Variants in HEPACAM2 observed in about 807,000 individuals in gnomAD.
HEPACAM2 encodes HEPACAM family member 2.
A neutral mutation model predicts 49.6 loss-of-function variants in HEPACAM2; 49 were observed. That is an observed-to-expected ratio of 0.99 (90% CI 0.78 to 1.25). HEPACAM2 has a LOEUF of 1.25. HEPACAM2 is among the 50% of genes most tolerant of loss of function. HEPACAM2 has a pLI of 0.00. For synonymous variants in HEPACAM2, 197 were observed against 202.9 expected, an observed-to-expected ratio of 0.97 and a Z score of 0.25; for missense variants, 525 against 557.2, an observed-to-expected ratio of 0.94 and a Z score of 0.58.
At chr7:93,208,466 A>G in intron 4 of HEPACAM2, 114 bp downstream of exon 4, 2 of 901,120 alleles carry the variant, frequency 2.2e-6, no homozygotes, top group Non-Finnish European at 3.3e-6. Context: ...TTTTTAGAAT[A>G]TATGAATAAT....
intron 9 of HEPACAM2, among the ~76,000 whole-genome samples, chr7:93,192,003 C>CA (rs1207442795): frequency 1.3e-5 from 2 of 152,018 alleles, no homozygotes. Context: ...CTAATGTACA[C>CA]AAGAGAAAGT....
At chr7:93,208,555 T>A in intron 4 of HEPACAM2, 25 bp downstream of exon 4, 2 of 1,596,852 alleles carry the variant, frequency 1.3e-6, no homozygotes. Flanking sequence ...TTTATTAGGA[T>A]CCCTTCCTTG....
chr7:93,213,119 C>T (rs1794218015), intron 3 of HEPACAM2, among the ~76,000 whole-genome samples: 1 of 151,920 alleles, frequency 6.6e-6, no homozygotes, highest in South Asian at 2.1e-4. Flanking sequence ...TAAGTATTTA[C>T]TGTGAATGAC....
At chr7:93,189,599 G>A (rs1245599176) in intron 9 of HEPACAM2, among the ~76,000 whole-genome samples, 1 of 151,862 alleles carries the variant, frequency 6.6e-6, no homozygotes, top group East Asian at 1.9e-4. Flanking sequence ...CCAGCCATAA[G>A]TTCACTAAAT....
chr7:93,223,845 A>G (rs1794494323), intron 1 of HEPACAM2, among the ~76,000 whole-genome samples: 2 of 152,192 alleles, frequency 1.3e-5, no homozygotes, highest in African/African-American at 4.8e-5. Flanking sequence ...TGAACCTATC[A>G]ATATGATACA....
chr7:93,199,459 A>G (rs1484130266), intron 4 of HEPACAM2, among the ~76,000 whole-genome samples: 1 of 152,118 alleles, frequency 6.6e-6, no homozygotes, highest in Non-Finnish European at 1.5e-5. Flanking sequence ...GTGAGATCTT[A>G]GCCTTTTCTC....
chr7:93,221,234 G>C (rs1409253839), intron 1 of HEPACAM2, among the ~76,000 whole-genome samples: 1 of 152,050 alleles, frequency 6.6e-6, no homozygotes, highest in Non-Finnish European at 1.5e-5. Context: ...AGAAGAGATG[G>C]AAATTAGATA....
intron 4 of HEPACAM2, among the ~76,000 whole-genome samples, chr7:93,208,149 A>T (rs1174199950): frequency 1.3e-5 from 2 of 151,986 alleles, no homozygotes; most frequent in Non-Finnish European, 2.9e-5. Context: ...GAGGAAGGGG[A>T]GCCCATGAAA....
intron 4 of HEPACAM2, among the ~76,000 whole-genome samples, chr7:93,207,837 T>C (rs1466798769): frequency 6.6e-6 from 1 of 151,856 alleles, no homozygotes; most frequent in Admixed American, 6.6e-5. Context: ...TTTAAAGATA[T>C]AGATTTGGGA....
At chr7:93,219,714 G>T in intron 1 of HEPACAM2, 1 of 512,108 alleles carries the variant, frequency 2.0e-6, no homozygotes, top group Non-Finnish European at 3.4e-6. Flanking sequence ...GATTGCTACG[G>T]AATAATGGGA....
chr7:93,198,701 G>A (rs1022609845), intron 4 of HEPACAM2, among the ~76,000 whole-genome samples: 1 of 152,064 alleles, frequency 6.6e-6, no homozygotes, highest in Admixed American at 6.6e-5. Context: ...AAAGTCATGT[G>A]ATGCCATTTC....
intron 8 of HEPACAM2, among the ~76,000 whole-genome samples, chr7:93,195,470 C>T (rs1793687582): frequency 6.6e-6 from 1 of 152,120 alleles, no homozygotes; most frequent in Non-Finnish European, 1.5e-5. Flanking sequence ...CTTTCCATCT[C>T]AGCCTCCCAA....
At chr7:93,222,799 A>G (rs1794474893) in intron 1 of HEPACAM2, among the ~76,000 whole-genome samples, 1 of 152,182 alleles carries the variant, frequency 6.6e-6, no homozygotes, top group South Asian at 2.1e-4. Flanking sequence ...TTCTAAGGGT[A>G]GCAGCTACCT....
chr7:93,201,846 T>C (rs1390969238), intron 4 of HEPACAM2, among the ~76,000 whole-genome samples: 1 of 152,000 alleles, frequency 6.6e-6, no homozygotes, highest in Non-Finnish European at 1.5e-5. Context: ...TGTTGTTCTT[T>C]ACATAACTGG....
chr7:93,228,238 TTC>T (rs1794572962), upstream of HEPACAM2, among the ~76,000 whole-genome samples: 3 of 152,224 alleles, frequency 2.0e-5, no homozygotes, highest in Admixed American at 2.0e-4. Context: ...GAGTTTTTTA[TTC>T]TGAGATTTTC....
intron 2 of HEPACAM2, among the ~76,000 whole-genome samples, chr7:93,217,312 A>G (rs1301440278): frequency 6.6e-6 from 1 of 152,192 alleles, no homozygotes; most frequent in Non-Finnish European, 1.5e-5. Flanking sequence ...GTGATCATAC[A>G]TTTGCTTAAA....
chr7:93,215,903 A>T (rs1794297776), intron 2 of HEPACAM2, among the ~76,000 whole-genome samples: 1 of 152,178 alleles, frequency 6.6e-6, no homozygotes, highest in Non-Finnish European at 1.5e-5. Context: ...AGTCAGAGAT[A>T]ATCAAATTCC....
At chr7:93,217,471 G>A (rs1305909148) in intron 2 of HEPACAM2, among the ~76,000 whole-genome samples, 1 of 152,200 alleles carries the variant, frequency 6.6e-6, no homozygotes, top group Non-Finnish European at 1.5e-5. Context: ...ATTCTATTAG[G>A]AGGGAGACAG....
rs1369046218 is a variant in HEPACAM2, at chr7:93,219,324, T to C, written c.207A>G (p.Leu69=). The change falls in exon 2 of 10, where the codon CTA becomes CTG. Residue 69 remains leucine (L), a synonymous_variant. Coordinates refer to ENST00000394468, the MANE Select transcript of HEPACAM2 (RefSeq NM_001039372.4). ...TPASDIQIIW[L]FERPHTMPKY... is the part of the protein sequence containing the mutation. ...TGGGCATTGTGTGGGGTCTCTCAAA[T>C]AGCCATATGATCTGGATGTCTGATG... 2 of 1,613,954 alleles carry C rather than the reference T, an allele frequency of 1.2e-6. No homozygotes were observed. The highest frequency in any genetic ancestry group is 3.3e-4 in the Middle Eastern group (2 of 6,062).
Sources: gnomAD v4.1 joint callset for allele counts (sites outside exome capture counted in the v4.1 genomes callset) on GRCh38, gnomAD v4.1.1 for gene constraint, MANE v1.5 for transcripts, NCBI Gene and HGNC (gene_info 2026-07-23, HGNC 2026-07-21) for gene names.